The following CXCL14 variants were observed in gnomAD, a reference collection of about 807,000 sequenced individuals.
CXCL14 encodes the protein C-X-C motif chemokine 14.
A neutral mutation model predicts 16.1 loss-of-function variants in CXCL14; 9 were observed. That is an observed-to-expected ratio of 0.56 (90% confidence interval 0.34 to 0.97). The LOEUF (loss-of-function observed/expected upper bound fraction) is 0.97. CXCL14 is among the 50% of genes least tolerant of loss of function. CXCL14 has a pLI of 0.02. For synonymous variants in CXCL14, 55 were observed against 52.8 expected, an observed-to-expected ratio of 1.04 and a Z score of -0.18; for missense variants, 111 against 132.5, an observed-to-expected ratio of 0.84 and a Z score of 0.80.
intron 3 of CXCL14, among the ~76,000 whole-genome samples, chr5:135,572,247 C>T (rs1299098708): frequency 6.6e-6 from 1 of 152,210 alleles, no homozygotes; most frequent in Non-Finnish European, 1.5e-5. Context: ...CGGGCTGCTC[C>T]CACACCTCCT....
Position 135,571,876 on chromosome 5 carries a change from G to GA in CXCL14, c.285-9dup, listed in dbSNP as rs1397158976. On this transcript the variant is annotated splice_polypyrimidine_tract_variant and intron_variant, in intron 3 of 3. Transcript: ENST00000512158. ...CCCTATTCTTCGTAGACCCTGGGGA[G>GA]AAAAAACACATGTGTAAGTGGCTCA... 9.4e-6 allele frequency: 15 copies of GA among 1,593,342 alleles called. No homozygotes were observed. In the Admixed American group the frequency reaches 2.0e-4, roughly 22 times the overall value.
chr5:135,578,065 TG>T (rs1246169594), intron 2 of CXCL14, among the ~76,000 whole-genome samples: 1 of 152,192 alleles, frequency 6.6e-6, no homozygotes, highest in African/African-American at 2.4e-5. Context: ...CCTCACAGTT[TG>T]GGTGTGAGTG....
chr5:135,577,807 C>A (rs533889472), intron 2 of CXCL14, among the ~76,000 whole-genome samples: 3 of 152,208 alleles, frequency 2.0e-5, no homozygotes, highest in Non-Finnish European at 4.4e-5. Flanking sequence ...ACATCCCCAC[C>A]AAGCAGGGCT....
In CXCL14 at chr5:135,573,709, C is replaced by T. The variant is rs1173404553; in HGVS notation, c.284+863G>A. Among the ~76,000 whole-genome samples the T allele has an allele frequency of 3.4e-5, 5 of 145,422 alleles. No homozygotes were observed. The Admixed American group carries it at 3.4e-4, about 10-fold the overall frequency. ...CACCTGCATGGTGTGTGCATGCATG[C>T]GTGTGTGTGTGTGTGTGTGTGTGTG... On this transcript the variant is annotated intron_variant, in intron 3 of 3. Transcript: ENST00000512158.
chr5:135,575,004 C>A (rs188906323), intron 2 of CXCL14, among the ~76,000 whole-genome samples: 1 of 152,270 alleles, frequency 6.6e-6, no homozygotes, highest in East Asian at 1.9e-4. Context: ...CTCCAGGGCT[C>A]AGGCCTCTTT....
chr5:135,577,616 G>T (rs968665662), intron 2 of CXCL14, among the ~76,000 whole-genome samples: 1 of 152,238 alleles, frequency 6.6e-6, no homozygotes, highest in Admixed American at 6.5e-5. Context: ...CTGGGGGAGG[G>T]GAAGAGGGGC....
At chr5:135,577,380 C>A (rs1751119373) in intron 2 of CXCL14, among the ~76,000 whole-genome samples, 2 of 152,180 alleles carry the variant, frequency 1.3e-5, no homozygotes, top group Non-Finnish European at 2.9e-5. Context: ...TAGGGACAAG[C>A]AAGTTAATTT....
chr5:135,571,792 C>T lies in CXCL14; in HGVS notation c.*61G>A. ...TTTTTTTTTTTTTTTTTTTAATCTG[C>T]AAAGTCCTTTGCACAAGTCTCCCAA... On this transcript the variant is annotated 3_prime_UTR_variant, in exon 4 of 4. Coordinates refer to ENST00000512158, the MANE Select transcript of CXCL14 (RefSeq NM_004887.5). The T allele has an allele frequency of 8.5e-6, 4 of 471,316 alleles. No homozygotes were observed. Among genetic ancestry groups the T allele is most frequent in the African/African-American group, 3.0e-5 (1 of 32,854 alleles). The allele number at this position is 471,316 out of a possible 1,614,324, so 29.2% of individuals were successfully genotyped here.
intron 3 of CXCL14, among the ~76,000 whole-genome samples, chr5:135,573,183 A>G (rs1751051219): frequency 6.6e-6 from 1 of 152,140 alleles, no homozygotes; most frequent in Non-Finnish European, 1.5e-5. Context: ...CCTCTTCCAT[A>G]ACCTGCCCAT....
At chr5:135,574,745 T>A in intron 2 of CXCL14, 60 bp from the exon 3 acceptor site, 1 of 1,398,720 alleles carries the variant, frequency 7.1e-7, no homozygotes, top group Non-Finnish European at 1.0e-6. Flanking sequence ...TTGCCTCTTG[T>A]GTGGCCTGTG....
Position 135,572,873 on chromosome 5 carries a change from T to TCAC in CXCL14, c.285-1008_285-1006dup, listed in dbSNP as rs1244646651. ...AAGAGGACTTCAAACACTTCCTTTA[T>TCAC]CACTGTTCTATGTTCATTAAGATAT... On this transcript the variant is annotated intron_variant, in intron 3 of 3. Coordinates refer to ENST00000512158, the MANE Select transcript of CXCL14 (RefSeq NM_004887.5). 4.9e-4 allele frequency among the ~76,000 whole-genome samples: 74 copies of TCAC among 152,294 alleles called. 1 individual carries two copies. The highest frequency in any genetic ancestry group is 1.8e-3 in the African/African-American group (73 of 41,572).
chr5:135,578,928 T>C lies in CXCL14; in HGVS notation c.-150A>G, dbSNP rs1751168080. 3 of 822,200 alleles carry C rather than the reference T, an allele frequency of 3.6e-6. No individual in the cohort carries two copies. In the South Asian group the frequency reaches 6.1e-5, roughly 17 times the overall value. The allele number at this position is 822,200 out of a possible 1,614,324, so 50.9% of individuals were successfully genotyped here. On this transcript the variant is annotated 5_prime_UTR_variant, in exon 1 of 4. Coordinates refer to ENST00000512158, the MANE Select transcript of CXCL14 (RefSeq NM_004887.5). ...CTGCTGGCTCCGGCTGCGCCGTCGG[T>C]GGATGCCCAGGGCTGTCTGTGGCCG...
intron 3 of CXCL14, among the ~76,000 whole-genome samples, chr5:135,573,548 TGGTGG>T (rs1751054529): frequency 6.6e-6 from 1 of 152,094 alleles, no homozygotes; most frequent in Admixed American, 6.5e-5. Context: ...TGAGGGCAGC[TGGTGG>T]GGTAGCACCA....
Position 135,571,030 on chromosome 5 carries a change from T to A in CXCL14, c.*823A>T, listed in dbSNP as rs1751018454. 1 of 152,212 alleles carries A rather than the reference T, an allele frequency of 6.6e-6. No homozygotes were observed. The highest frequency in any genetic ancestry group is 2.4e-5 in the African/African-American group (1 of 41,438). 9.4% of individuals were successfully genotyped at this position (152,212 alleles called of 1,614,324 possible). On this transcript the variant is annotated 3_prime_UTR_variant, in exon 4 of 4. Transcript: ENST00000512158. ...AGAATGTGTGTCTGTAGCTGTGTAT[T>A]GCGCATGTATTCATATATTTTTAAG...
At chr5:135,572,522 C>A (rs1020198948) in intron 3 of CXCL14, among the ~76,000 whole-genome samples, 1 of 152,150 alleles carries the variant, frequency 6.6e-6, no homozygotes. Flanking sequence ...CCCAGCCCCA[C>A]CTTCCCCTCA....
At chr5:135,578,347 T>C in intron 2 of CXCL14, 87 bp downstream of exon 2, 1 of 1,137,578 alleles carries the variant, frequency 8.8e-7, no homozygotes. Context: ...AGAGAAATGT[T>C]TGTTAGCCCG....
chr5:135,574,006 A>C (rs568323879), intron 3 of CXCL14, among the ~76,000 whole-genome samples: 1 of 152,318 alleles, frequency 6.6e-6, no homozygotes, highest in Non-Finnish European at 1.5e-5. Flanking sequence ...CTCTGATTTT[A>C]AAGAGCCAAA....
At chr5:135,574,971 C>T (rs760118348) in intron 2 of CXCL14, among the ~76,000 whole-genome samples, 1 of 152,148 alleles carries the variant, frequency 6.6e-6, no homozygotes, top group Non-Finnish European at 1.5e-5. Flanking sequence ...CTCTCCCACC[C>T]CCAACCTCAT....
chr5:135,571,721 T>C lies in CXCL14; in HGVS notation c.*132A>G. ...TCATAACAATATATAATTTGTGTCTTATGCCTGTGAGAAAGAAAGGCTTTT... is the reference window on the plus strand; with the variant it reads ...TCATAACAATATATAATTTGTGTCTCATGCCTGTGAGAAAGAAAGGCTTTT... On this transcript the variant is annotated 3_prime_UTR_variant, in exon 4 of 4. Transcript: ENST00000512158. 7 of 915,398 alleles carry C rather than the reference T, an allele frequency of 7.6e-6. No individual in the cohort carries two copies. Among genetic ancestry groups the C allele is most frequent in the East Asian group, 2.8e-5 (1 of 36,142 alleles). The allele number at this position is 915,398 out of a possible 1,614,324, so 56.7% of individuals were successfully genotyped here.
Sources: gnomAD v4.1 joint callset for allele counts (sites outside exome capture counted in the v4.1 genomes callset) on GRCh38, gnomAD v4.1.1 for gene constraint, MANE v1.5 for transcripts, NCBI Gene and HGNC (gene_info 2026-07-23, HGNC 2026-07-21) for gene names.